The following ACTR3 variants were observed in gnomAD, a reference collection of about 807,000 sequenced individuals.
ACTR3 encodes the protein actin related protein 3, also known as actin-related protein 3.
A neutral mutation model predicts 56.8 loss-of-function variants in ACTR3; 12 were observed. The observed-to-expected ratio is 0.21, with a 90% CI of 0.14 to 0.34. The LOEUF (loss-of-function observed/expected upper bound fraction) is 0.34, where lower values mean the gene tolerates loss of function less well. ACTR3 is among the 10% of genes least tolerant of loss of function. The pLI is 1.00. For missense variants in ACTR3, 282 were observed against 512.5 expected, an observed-to-expected ratio of 0.55 and a Z score of 4.34; for synonymous variants, 162 against 167.4, an observed-to-expected ratio of 0.97 and a Z score of 0.25.
intron 1 of ACTR3, among the ~76,000 whole-genome samples, chr2:113,912,641 C>T (rs925887804): frequency 2.0e-5 from 3 of 152,090 alleles, no homozygotes; most frequent in Non-Finnish European, 2.9e-5. Context: ...TCCAGAGATA[C>T]GTTGTGCCTA....
chr2:113,956,282 G>A (rs934492330), intron 11 of ACTR3, among the ~76,000 whole-genome samples: 3 of 151,414 alleles, frequency 2.0e-5, no homozygotes, highest in Admixed American at 6.6e-5. Context: ...CCTTTAAATT[G>A]TATCTCAAAA....
chr2:113,953,199 T>A (rs1316265021), intron 10 of ACTR3: 2 of 152,220 alleles, frequency 1.3e-5, no homozygotes, highest in Non-Finnish European at 2.9e-5. Context: ...TTAACATTTT[T>A]AAGCTCTTTT....
At chr2:113,955,581 T>G (rs1680194483) in intron 10 of ACTR3, 42 bp from the exon 11 acceptor site, 2 of 1,408,978 alleles carry the variant, frequency 1.4e-6, no homozygotes, top group Admixed American at 3.6e-5. Context: ...AAGTTGTTAT[T>G]TGAATTTACT....
intron 3 of ACTR3, among the ~76,000 whole-genome samples, chr2:113,925,245 GA>G (rs1326914423): frequency 2.1e-5 from 3 of 143,996 alleles, no homozygotes; most frequent in African/African-American, 8.0e-5. Context: ...GCCCAGGCTG[GA>G]GTGCAATGGA....
rs1421134671 is a variant in ACTR3, at chr2:113,890,106, C to T, written c.-174C>T. 19 of 751,242 alleles carry T rather than the reference C, an allele frequency of 2.5e-5. No homozygotes were observed. The Admixed American group carries it at 4.4e-4, about 18-fold the overall frequency. The allele number at this position is 751,242 out of a possible 1,614,324, so 46.5% of individuals were successfully genotyped here. On this transcript the variant is annotated 5_prime_UTR_variant, in exon 1 of 12. Transcript: ENST00000263238. ...CTGCCTGGGTTGCGGAAGTGATAGC[C>T]GCCGACCGAGCCTGCTGCTTTCTTG... is the stretch of plus-strand genomic sequence containing the variant.
rs1176011248 is a variant in ACTR3 at position 113,958,214 on chromosome 2, A to T, written c.*759A>T. 1 of 152,622 alleles carries T rather than the reference A, an allele frequency of 6.6e-6. No individual in the cohort carries two copies. The highest frequency in any genetic ancestry group is 1.9e-4 in the East Asian group (1 of 5,204). 9.5% of individuals were successfully genotyped at this position (152,622 alleles called of 1,614,324 possible). On this transcript the variant is annotated 3_prime_UTR_variant, in exon 12 of 12. Transcript: ENST00000263238. The stretch of plus-strand genomic sequence containing the variant: ...AACAATAATTTATCAAAATTGGCAT[A>T]TTTAAAGCCTAACATTCTAATAAAG...
intron 3 of ACTR3, among the ~76,000 whole-genome samples, chr2:113,919,254 T>A (rs1679463483): frequency 6.6e-6 from 1 of 152,234 alleles, no homozygotes; most frequent in Non-Finnish European, 1.5e-5. Flanking sequence ...TCTTTGATTA[T>A]TTACTATATT....
At chr2:113,923,344 TTGTTTG>T (rs1356068174) in intron 3 of ACTR3, among the ~76,000 whole-genome samples, 49 of 52,742 alleles carry the variant, frequency 9.3e-4, no homozygotes, top group South Asian at 1.8e-3. Flanking sequence ...GTTTGTTTGT[TTGTTTG>T]TTTTTGAGAC....
intron 10 of ACTR3, chr2:113,952,313 T>A (rs1680135645): frequency 6.5e-6 from 1 of 154,406 alleles, no homozygotes; most frequent in Non-Finnish European, 1.4e-5. Flanking sequence ...AAGTAACCTT[T>A]GTATTACATG....
chr2:113,919,465 A>C (rs542084068), intron 3 of ACTR3, among the ~76,000 whole-genome samples: 52 of 152,256 alleles, frequency 3.4e-4, no homozygotes, highest in African/African-American at 1.2e-3. Flanking sequence ...TGATTATTAC[A>C]TACTCATTGG....
chr2:113,898,032 A>C (rs1679041560), intron 1 of ACTR3, among the ~76,000 whole-genome samples: 2 of 152,116 alleles, frequency 1.3e-5, no homozygotes. Flanking sequence ...GAGGAGGATA[A>C]AAGTCCTAGA....
rs1286010169 is a variant in ACTR3 at position 113,958,281 on chromosome 2, TCTTTATAA to T, written c.*827_*834del. 6.6e-6 allele frequency: 1 copy of T among 152,620 alleles called. No individual in the cohort carries two copies. The highest frequency in any genetic ancestry group is 1.5e-5 in the Non-Finnish European group (1 of 67,988). The allele number at this position is 152,620 out of a possible 1,614,324, so 9.5% of individuals were successfully genotyped here. On this transcript the variant is annotated 3_prime_UTR_variant, in exon 12 of 12. Transcript: ENST00000263238. ...AATACTTGTTTCAGCCTCTTTAATC[TCTTTATAA>T]GTTAACTAATAAATCTATTTTCTTC...
chr2:113,916,748 T>C (rs1574361375), intron 2 of ACTR3, 136 bp from the exon 3 acceptor site: 8 of 641,098 alleles, frequency 1.2e-5, no homozygotes, highest in Non-Finnish European at 6.9e-6. Flanking sequence ...TTATGACTTT[T>C]GTGAATTAGT....
chr2:113,945,441 A>C (rs987942285), intron 8 of ACTR3, among the ~76,000 whole-genome samples: 9 of 152,096 alleles, frequency 5.9e-5, no homozygotes, highest in Non-Finnish European at 2.9e-5. Context: ...CTCCTTTCAG[A>C]TTAGTTCTTT....
chr2:113,893,067 T>C (rs1308807698), intron 1 of ACTR3, among the ~76,000 whole-genome samples: 3 of 152,230 alleles, frequency 2.0e-5, no homozygotes, highest in African/African-American at 7.2e-5. Context: ...TGGAAAGCAT[T>C]GTAAAATACA....
chr2:113,922,028 A>G (rs529395091), intron 3 of ACTR3, among the ~76,000 whole-genome samples: 2 of 152,344 alleles, frequency 1.3e-5, no homozygotes, highest in Admixed American at 6.5e-5. Flanking sequence ...GCTAGAGCCC[A>G]TAGATAATTT....
At chr2:113,948,330 C>T (rs1046759775) in intron 8 of ACTR3, among the ~76,000 whole-genome samples, 3 of 151,848 alleles carry the variant, frequency 2.0e-5, no homozygotes, top group Admixed American at 6.6e-5. Flanking sequence ...TTGTATTTTT[C>T]GTAGAAACAG....
At chr2:113,928,400 CT>C (rs1361298318) in intron 4 of ACTR3, among the ~76,000 whole-genome samples, 1 of 152,186 alleles carries the variant, frequency 6.6e-6, no homozygotes, top group Non-Finnish European at 1.5e-5. Flanking sequence ...CCCCTAAATA[CT>C]TTAGCACGTA....
chr2:113,937,414 G>A (rs989398341), intron 6 of ACTR3, among the ~76,000 whole-genome samples: 2 of 152,064 alleles, frequency 1.3e-5, no homozygotes, highest in African/African-American at 4.8e-5. Context: ...CCTTGAAATT[G>A]AGTTCTTTTA....
Sources: allele counts gnomAD v4.1 joint callset (sites outside exome capture counted in the v4.1 genomes callset), GRCh38; gene constraint gnomAD v4.1.1; transcripts MANE v1.5; gene names NCBI Gene and HGNC (gene_info 2026-07-23, HGNC 2026-07-21).